The following RGS12 variants were observed in gnomAD, a reference collection of about 807,000 sequenced individuals.
The protein encoded by RGS12 is regulator of G-protein signaling 12.
RGS12 carries 66 observed loss-of-function variants against 120.1 expected under a neutral mutation model. The observed-to-expected ratio is 0.55, with a 90% confidence interval of 0.45 to 0.67. The LOEUF (loss-of-function observed/expected upper bound fraction) is 0.67. RGS12 is among the 30% of genes least tolerant of loss of function. RGS12 has a pLI of 0.00. For missense variants in RGS12, 1,859 were observed against 1,957.7 expected (o/e 0.95, Z 0.95); for synonymous variants, 827 against 804.7 (o/e 1.03, Z -0.47).
upstream of RGS12, among the ~76,000 whole-genome samples, chr4:3,289,532 T>C (rs1471310633): frequency 1.3e-5 from 2 of 152,142 alleles, no homozygotes; most frequent in Non-Finnish European, 2.9e-5. Flanking sequence ...CTTTTTTAAT[T>C]AGTGCAAATC....
Position 3,430,421 on chromosome 4 carries a change from A to G in RGS12, c.3580A>G (p.Ile1194Val), listed in dbSNP as rs1394980549. ...TCTTCCAATAGAGTTTTTTGAGCTT[A>G]TTTCCAAAGCTCAGAGCAACAGAGC... ...LDEAEEFFEL[I>V]SKAQSNRADD... The change falls in exon 17 of 18, where the codon ATT (isoleucine) becomes GTT (valine). Residue 1194 changes from isoleucine (I) to valine (V), a missense_variant. By Grantham distance (29) the Ile-to-Val change is conservative. This residue lies in a region of RGS12 where 517 missense variants were observed against 488.5 expected (regional missense o/e 1.06). Coordinates refer to ENST00000336727, the MANE Select transcript of RGS12 (RefSeq NM_001394154.1). 2.5e-6 allele frequency: 4 copies of G among 1,608,084 alleles called. No homozygotes were observed. Among genetic ancestry groups the G allele is most frequent in the Non-Finnish European group, 3.4e-6 (4 of 1,176,894 alleles).
rs549416623 is a variant in RGS12, at chr4:3,417,037, C to T, written c.2552C>T (p.Pro851Leu). 28 of 1,613,084 alleles carry T rather than the reference C, an allele frequency of 1.7e-5. No homozygotes were observed. The highest frequency in any genetic ancestry group is 3.3e-5 in the South Asian group (3 of 91,062). The change falls in exon 8 of 18, where the codon CCG becomes CTG. Residue 851 changes from proline to leucine, a missense_variant. Physicochemically the swap from Pro to Leu is moderately conservative, Grantham distance 98 (BLOSUM62 -3). Around this residue, in one of 3 missense-constraint regions of RGS12, gnomAD observed 375 missense variants for 475.0 expected, o/e 0.79. Transcript: ENST00000336727. Reference sequence around the variant, plus strand: ...GACTCGCAGCAGGTCCCCAGCAGCCCGGCTTCCAAGCACAGCCTCGGTTCA... The same window carrying T: ...GACTCGCAGCAGGTCCCCAGCAGCCTGGCTTCCAAGCACAGCCTCGGTTCA... ...LPDSQQVPSS[P>L]ASKHSLGSDH... is the part of the protein sequence containing the mutation.
intron 3 of RGS12, among the ~76,000 whole-genome samples, chr4:3,376,384 A>G (rs1717697823): frequency 6.6e-6 from 1 of 152,124 alleles, no homozygotes; most frequent in Non-Finnish European, 1.5e-5. Flanking sequence ...GCGAGGTTGC[A>G]CGTGGGAGCT....
chr4:3,339,925 G>A (rs1310997934), intron 2 of RGS12, among the ~76,000 whole-genome samples: 1 of 152,188 alleles, frequency 6.6e-6, no homozygotes, highest in Non-Finnish European at 1.5e-5. Context: ...GATTCATTTT[G>A]ATTCTGACAG....
intron 1 of RGS12, among the ~76,000 whole-genome samples, chr4:3,310,496 C>T (rs928695704): frequency 2.0e-5 from 3 of 152,194 alleles, no homozygotes; most frequent in African/African-American, 7.2e-5. Flanking sequence ...CCTTTGGCAC[C>T]GTGTCCTGCT....
rs1213112429 is a variant in RGS12, at chr4:3,417,375, C to T, written c.2608-13C>T. ...TTCACATTGTTTTAACCAAGGTTTC[C>T]ATTTGATGACAGTTAAGTGGAAAAT... On this transcript the variant is annotated splice_polypyrimidine_tract_variant and intron_variant, in intron 8 of 17. Coordinates refer to ENST00000336727, the MANE Select transcript of RGS12 (RefSeq NM_001394154.1). 1.3e-6 allele frequency: 2 copies of T among 1,557,310 alleles called. No individual in the cohort carries two copies. The highest frequency in any genetic ancestry group is 4.5e-5 in the East Asian group (2 of 44,172).
At chr4:3,397,565 A>T (rs949982505) in intron 4 of RGS12, among the ~76,000 whole-genome samples, 1 of 152,218 alleles carries the variant, frequency 6.6e-6, no homozygotes, top group Non-Finnish European at 1.5e-5. Context: ...GTTTTGCCTC[A>T]GGCAGCTCGG....
intron 2 of RGS12, among the ~76,000 whole-genome samples, chr4:3,333,556 C>CT (rs1184009074): frequency 2.0e-4 from 30 of 152,204 alleles, no homozygotes; most frequent in African/African-American, 6.5e-4. Context: ...CGAAAGTTAA[C>CT]TTTTTTCTCT....
At chr4:3,302,340 GCCTGTGACGTGGCTTTGGGC>G in intron 1 of RGS12, among the ~76,000 whole-genome samples, 1 of 148,526 alleles carries the variant, frequency 6.7e-6, no homozygotes, top group Non-Finnish European at 1.5e-5. Context: ...TCAGGTTGGC[GCCTGTGACGTGGCTTTGGGC>G]CCTGGCCGTT....
chr4:3,402,544 C>T (rs55945542), intron 4 of RGS12, among the ~76,000 whole-genome samples: 8,790 of 152,112 alleles, frequency 0.058, 515 homozygotes, highest in African/African-American at 0.15. Flanking sequence ...TGTGGGTGGC[C>T]CCACCTTGGC....
chr4:3,359,816 TTTCGC>T (rs1715388719), intron 3 of RGS12, among the ~76,000 whole-genome samples: 1 of 151,894 alleles, frequency 6.6e-6, no homozygotes, highest in Non-Finnish European at 1.5e-5. Context: ...AGAGATAGGG[TTTCGC>T]CATGTTGGCC....
At chr4:3,435,767 C>T (rs913041757) in intron 17 of RGS12, among the ~76,000 whole-genome samples, 1 of 151,948 alleles carries the variant, frequency 6.6e-6, no homozygotes, top group Non-Finnish European at 1.5e-5. Flanking sequence ...GTCTGCCTTC[C>T]ACCTGAAGTT....
At chr4:3,293,709 G>C (rs910971874) in intron 1 of RGS12, among the ~76,000 whole-genome samples, 1 of 151,982 alleles carries the variant, frequency 6.6e-6, no homozygotes, top group African/African-American at 2.4e-5. Flanking sequence ...GAGCTGTGGA[G>C]TGTAGACAGA....
At chr4:3,371,809 A>G (rs887794379) in intron 3 of RGS12, among the ~76,000 whole-genome samples, 1 of 152,138 alleles carries the variant, frequency 6.6e-6, no homozygotes, top group Non-Finnish European at 1.5e-5. Flanking sequence ...GGGTCAGGGA[A>G]TGCTGGGGTG....
Position 3,365,438 on chromosome 4 carries a change from G to A in RGS12, c.1999-20978G>A, listed in dbSNP as rs1428916955. On this transcript the variant is annotated intron_variant, in intron 3 of 17. Transcript: ENST00000336727. The surrounding 1 kb of genome is among the most constrained non-coding windows in gnomAD (Gnocchi z 4.0). ...GGAGGGAGGTGGCAGGAGCTTTTGC[G>A]TCTGTCCCCAGTGAGTTGCCTTGAT... 1.3e-5 allele frequency among the ~76,000 whole-genome samples: 2 copies of A among 152,114 alleles called. No individual in the cohort carries two copies. The highest frequency in any genetic ancestry group is 2.4e-5 in the African/African-American group (1 of 41,412).
intron 2 of RGS12, among the ~76,000 whole-genome samples, chr4:3,322,791 C>A (rs955994015): frequency 1.9e-4 from 29 of 152,198 alleles, no homozygotes; most frequent in African/African-American, 6.7e-4. Context: ...ACATCAGTAG[C>A]TGAAACCCAC....
At chr4:3,413,864 T>G in intron 4 of RGS12, 1 of 546,062 alleles carries the variant, frequency 1.8e-6, no homozygotes, top group Non-Finnish European at 3.3e-6. Flanking sequence ...CCGCTCAAGG[T>G]TGGGGTCTGT....
At chr4:3,290,238 C>T (rs1242875536), upstream of RGS12, among the ~76,000 whole-genome samples, 28 of 152,168 alleles carry the variant, frequency 1.8e-4, no homozygotes, top group Non-Finnish European at 1.2e-4. Context: ...TACTCTTTTC[C>T]ATAATGGCTG....
chr4:3,347,890 G>A (rs1369748166), intron 3 of RGS12, among the ~76,000 whole-genome samples: 1 of 152,104 alleles, frequency 6.6e-6, no homozygotes, highest in Admixed American at 6.5e-5. Flanking sequence ...AGGTTTCTGA[G>A]AGTTTTATAC....
Sources: gnomAD v4.1 joint callset for allele counts (sites outside exome capture counted in the v4.1 genomes callset) on GRCh38, gnomAD v4.1.1 for gene constraint, gnomAD v4.1.1 regional missense constraint, Gnocchi (gnomAD v3.1) non-coding constraint, MANE v1.5 for transcripts, NCBI Gene and HGNC (gene_info 2026-07-23, HGNC 2026-07-21) for gene names.